ADAMTS3: variants seen among roughly 807,000 people sequenced by gnomAD.
ADAMTS3 encodes the protein ADAM metallopeptidase with thrombospondin type 1 motif 3, also known as A disintegrin and metalloproteinase with thrombospondin motifs 3.
Under a neutral mutation model 129.0 loss-of-function variants are expected in ADAMTS3, and 73 were observed. That is an observed-to-expected ratio of 0.57 (90% confidence interval 0.47 to 0.69). The LOEUF is 0.69. Among genes scored for constraint, ADAMTS3 ranks in the 30% least tolerant of loss-of-function variants. ADAMTS3 has a pLI of 0.00. For missense variants in ADAMTS3, 1,457 were observed against 1,514.5 expected, an observed-to-expected ratio of 0.96 and a Z score of 0.63; for synonymous variants, 477 against 510.8, an observed-to-expected ratio of 0.93 and a Z score of 0.89.
intron 3 of ADAMTS3, among the ~76,000 whole-genome samples, chr4:72,508,665 T>C (rs1720228755): frequency 6.6e-6 from 1 of 152,086 alleles, no homozygotes; most frequent in Admixed American, 6.5e-5. Context: ...TTACATTCTA[T>C]AAGAATTTCT....
At chr4:72,351,744 A>T (rs1219869303) in intron 4 of ADAMTS3, among the ~76,000 whole-genome samples, 1 of 151,996 alleles carries the variant, frequency 6.6e-6, no homozygotes, top group Non-Finnish European at 1.5e-5. Flanking sequence ...CTAAAACCTT[A>T]GCAAACATGG....
chr4:72,470,388 C>T lies in ADAMTS3; in HGVS notation c.505-55417G>A, dbSNP rs1390281455. Among the ~76,000 whole-genome samples the T allele has an allele frequency of 2.0e-3, 242 of 122,208 alleles. 1 individual carries two copies. Among genetic ancestry groups the T allele is most frequent in the Non-Finnish European group, 3.3e-3 (172 of 51,370 alleles). 80.2% of individuals were successfully genotyped at this position (122,208 alleles called of 152,430 possible). On this transcript the variant is annotated intron_variant, in intron 3 of 21. Transcript: ENST00000286657. ...ATATATATATATATACACACACACA[C>T]ACACACACACACACACACATTTCAT...
At chr4:72,353,181 G>T (rs1457243062) in intron 4 of ADAMTS3, among the ~76,000 whole-genome samples, 1 of 151,952 alleles carries the variant, frequency 6.6e-6, no homozygotes, top group African/African-American at 2.4e-5. Flanking sequence ...AGAAATTGTA[G>T]CAACAGGGCT....
At position 72,412,312 on chromosome 4, in the gene ADAMTS3, A is replaced by G. The variant is rs1393079215; in HGVS notation, c.661+2503T>C. Among the ~76,000 whole-genome samples the G allele has an allele frequency of 2.6e-5, 4 of 152,226 alleles. No individual in the cohort carries two copies. The East Asian group carries it at 7.7e-4, about 29-fold the overall frequency. Reference sequence around the variant, plus strand: ...CTTGAATTAATCCAGAAAAGGCACTATTTTATATAGTGCTTTGGTTTTCAT... The same window carrying G: ...CTTGAATTAATCCAGAAAAGGCACTGTTTTATATAGTGCTTTGGTTTTCAT... On this transcript the variant is annotated intron_variant, in intron 4 of 21. Transcript: ENST00000286657.
chr4:72,456,860 C>G (rs1355363858), intron 3 of ADAMTS3, among the ~76,000 whole-genome samples: 1 of 151,486 alleles, frequency 6.6e-6, no homozygotes. Context: ...GTGCCCCAAG[C>G]CAACACAGGG....
intron 4 of ADAMTS3, among the ~76,000 whole-genome samples, chr4:72,361,615 T>G (rs912023747): frequency 5.3e-5 from 8 of 152,126 alleles, no homozygotes; most frequent in African/African-American, 1.2e-4. Flanking sequence ...TCTTGATACA[T>G]CCATATATTC....
intron 3 of ADAMTS3, among the ~76,000 whole-genome samples, chr4:72,538,128 A>C (rs1721227944): frequency 6.6e-6 from 1 of 152,198 alleles, no homozygotes; most frequent in Non-Finnish European, 1.5e-5. Context: ...AACAGAGGCT[A>C]AAGGACCTGT....
At chr4:72,418,055 T>G (rs1051822962) in intron 3 of ADAMTS3, among the ~76,000 whole-genome samples, 2 of 152,056 alleles carry the variant, frequency 1.3e-5, no homozygotes, top group Non-Finnish European at 2.9e-5. Context: ...ATAAAATACA[T>G]GCCTACTGAA....
chr4:72,331,989 A>C (rs184644618), intron 5 of ADAMTS3, among the ~76,000 whole-genome samples: 1 of 152,310 alleles, frequency 6.6e-6, no homozygotes, highest in African/African-American at 2.4e-5. Context: ...AGCTCCTTGT[A>C]GAAAGGTGCT....
intron 3 of ADAMTS3, among the ~76,000 whole-genome samples, chr4:72,439,554 T>C (rs1213414624): frequency 6.6e-6 from 1 of 151,690 alleles, no homozygotes; most frequent in Admixed American, 6.6e-5. Flanking sequence ...AATGTTTTAA[T>C]AATTCCTAAG....
At chr4:72,520,328 G>C (rs1720629725) in intron 3 of ADAMTS3, among the ~76,000 whole-genome samples, 2 of 152,234 alleles carry the variant, frequency 1.3e-5, no homozygotes, top group African/African-American at 4.8e-5. Context: ...CTTGTTCTCA[G>C]ATCTCCAGCT....
At chr4:72,451,962 C>A (rs756930049) in intron 3 of ADAMTS3, among the ~76,000 whole-genome samples, 14 of 151,590 alleles carry the variant, frequency 9.2e-5, no homozygotes, top group Non-Finnish European at 1.8e-4. Context: ...TGGTGGTGGA[C>A]ACCTGTAATC....
chr4:72,478,745 G>A (rs1426814710), intron 3 of ADAMTS3, among the ~76,000 whole-genome samples: 4 of 152,080 alleles, frequency 2.6e-5, no homozygotes, highest in African/African-American at 7.2e-5. Context: ...AAAAGAGGAA[G>A]TCAAATTGTC....
intron 3 of ADAMTS3, among the ~76,000 whole-genome samples, chr4:72,464,624 T>C (rs1443951780): frequency 6.6e-6 from 1 of 152,038 alleles, no homozygotes; most frequent in Non-Finnish European, 1.5e-5. Context: ...AAAGAGAACA[T>C]GGCACTTACC....
At chr4:72,489,885 A>C (rs1719694916) in intron 3 of ADAMTS3, among the ~76,000 whole-genome samples, 1 of 151,878 alleles carries the variant, frequency 6.6e-6, no homozygotes, top group Non-Finnish European at 1.5e-5. Flanking sequence ...TATATACCCA[A>C]AAGTAGATCG....
chr4:72,514,415 T>A (rs1248030382), intron 3 of ADAMTS3, among the ~76,000 whole-genome samples: 2 of 152,146 alleles, frequency 1.3e-5, no homozygotes, highest in Non-Finnish European at 2.9e-5. Flanking sequence ...TATAAAACCA[T>A]GAAAAACAAA....
chr4:72,419,586 A>C (rs1157234910), intron 3 of ADAMTS3, among the ~76,000 whole-genome samples: 2 of 152,170 alleles, frequency 1.3e-5, no homozygotes, highest in African/African-American at 4.8e-5. Flanking sequence ...ACAAATTCGT[A>C]AACTTTCTTA....
intron 4 of ADAMTS3, among the ~76,000 whole-genome samples, chr4:72,406,480 G>C (rs751618135): frequency 7.5e-4 from 114 of 152,004 alleles, no homozygotes; most frequent in Non-Finnish European, 1.3e-3. Flanking sequence ...TAAAATGACT[G>C]TTCATTTTGT....
chr4:72,489,088 T>C (rs1719666326), intron 3 of ADAMTS3, among the ~76,000 whole-genome samples: 1 of 152,032 alleles, frequency 6.6e-6, no homozygotes, highest in African/African-American at 2.4e-5. Flanking sequence ...GATTCATCCA[T>C]GTTGTCACAA....
Sources: gnomAD v4.1 joint callset for allele counts (sites outside exome capture counted in the v4.1 genomes callset) on GRCh38, gnomAD v4.1.1 for gene constraint, MANE v1.5 for transcripts, NCBI Gene and HGNC (gene_info 2026-07-23, HGNC 2026-07-21) for gene names.